Variants in ZBTB38 observed in about 807,000 individuals in gnomAD.
ZBTB38 encodes zinc finger and BTB domain-containing protein 38.
A neutral mutation model predicts 76.8 loss-of-function variants in ZBTB38; 20 were observed. The observed-to-expected ratio is 0.26, with a 90% CI of 0.18 to 0.38. ZBTB38 has a LOEUF of 0.38. Ranked by LOEUF, ZBTB38 falls within the 10% of genes least tolerant of loss-of-function variation. ZBTB38 has a pLI of 1.00. For missense variants in ZBTB38, 1,082 were observed against 1,482.3 expected, an observed-to-expected ratio of 0.73 and a Z score of 4.43; for synonymous variants, 504 against 544.2, an observed-to-expected ratio of 0.93 and a Z score of 1.03.
In ZBTB38 at chr3:141,398,637, T is replaced by A. The variant is rs1950936273; in HGVS notation, c.-105-5290T>A. On this transcript the variant is annotated intron_variant, in intron 4 of 5. Coordinates refer to ENST00000321464, the MANE Select transcript of ZBTB38 (RefSeq NM_001376113.1). ...TAGGCAATCTTGTTTCATGTAAATC[T>A]CCTTCTGTATTTTTTTTTGCACTGT... Among the ~76,000 whole-genome samples the A allele has an allele frequency of 2.0e-5, 3 of 152,174 alleles. No homozygotes were observed. The South Asian group carries it at 6.2e-4, about 31-fold the overall frequency.
chr3:141,434,805 A>T (rs1427802927), intron 5 of ZBTB38, among the ~76,000 whole-genome samples: 1 of 151,894 alleles, frequency 6.6e-6, no homozygotes, highest in Non-Finnish European at 1.5e-5. Context: ...AATAAACACA[A>T]ATGTCCTTAT....
intron 5 of ZBTB38, among the ~76,000 whole-genome samples, chr3:141,440,414 A>G (rs2079860190): frequency 6.6e-6 from 1 of 152,244 alleles, no homozygotes. Flanking sequence ...AGCTTATAAT[A>G]GCAGCTTTAC....
upstream of ZBTB38, chr3:141,367,278 G>C (rs1044809354): frequency 1.3e-5 from 2 of 152,268 alleles, no homozygotes; most frequent in Non-Finnish European, 2.9e-5. Flanking sequence ...TCTGTACCCC[G>C]TGGCTCTCGG....
Position 141,344,398 on chromosome 3 carries a change from T to G in ZBTB38, c.-739+19942T>G, listed in dbSNP as rs147246768. ...TATTTATTTATTTTGAGACATGGTC[T>G]TGCTCTGTCACCCAGATTGGAGTGC... On this transcript the variant is annotated intron_variant, in intron 1 of 7. Coordinates refer to the ZBTB38 transcript ENST00000509842. 1.6e-3 allele frequency among the ~76,000 whole-genome samples: 243 copies of G among 152,318 alleles called. 1 individual carries two copies. In the East Asian group the frequency reaches 0.023, roughly 14 times the overall value.
intron 5 of ZBTB38, among the ~76,000 whole-genome samples, chr3:141,429,642 C>T (rs540284514): frequency 1.6e-4 from 24 of 152,194 alleles, no homozygotes; most frequent in Admixed American, 8.5e-4. Flanking sequence ...CAGGCAACGA[C>T]GGGTGATAAT....
At chr3:141,430,865 C>G (rs2077337064) in intron 5 of ZBTB38, among the ~76,000 whole-genome samples, 1 of 152,178 alleles carries the variant, frequency 6.6e-6, no homozygotes, top group Non-Finnish European at 1.5e-5. Context: ...TCCATTCAAT[C>G]AGCCAGCCCT....
intron 4 of ZBTB38, among the ~76,000 whole-genome samples, chr3:141,402,158 C>G (rs1952247858): frequency 1.3e-5 from 2 of 152,154 alleles, no homozygotes; most frequent in Non-Finnish European, 2.9e-5. Context: ...GCCACTGGGT[C>G]GGGCATGGGG....
intron 2 of ZBTB38, among the ~76,000 whole-genome samples, chr3:141,371,026 T>G (rs568227369): frequency 6.8e-6 from 1 of 147,254 alleles, no homozygotes; most frequent in Admixed American, 6.7e-5. Flanking sequence ...AACTGTTTTT[T>G]CTTTTCTTTT....
chr3:141,392,044 A>G (rs779852361), intron 4 of ZBTB38, among the ~76,000 whole-genome samples: 4 of 152,238 alleles, frequency 2.6e-5, no homozygotes, highest in Non-Finnish European at 4.4e-5. Flanking sequence ...GAAGTTTGCT[A>G]TGTGAGTTAG....
intron 4 of ZBTB38, among the ~76,000 whole-genome samples, chr3:141,391,884 A>C (rs1948986214): frequency 6.6e-6 from 1 of 152,058 alleles, no homozygotes; most frequent in South Asian, 2.1e-4. Flanking sequence ...CTCTGCACAC[A>C]TCTTTGCCTG....
At chr3:141,410,289 C>A (rs1189055925) in intron 5 of ZBTB38, among the ~76,000 whole-genome samples, 1 of 152,168 alleles carries the variant, frequency 6.6e-6, no homozygotes, top group Non-Finnish European at 1.5e-5. Flanking sequence ...AGATTGTCCA[C>A]TTTTGAGGGA....
chr3:141,406,370 T>C (rs1208725154), intron 5 of ZBTB38, among the ~76,000 whole-genome samples: 1 of 151,828 alleles, frequency 6.6e-6, no homozygotes, highest in Non-Finnish European at 1.5e-5. Context: ...ATGATAACAA[T>C]GAAATGGGAA....
At chr3:141,378,496 G>A (rs1283674960) in intron 2 of ZBTB38, among the ~76,000 whole-genome samples, 1 of 152,194 alleles carries the variant, frequency 6.6e-6, no homozygotes, top group African/African-American at 2.4e-5. Context: ...CAACACTGGG[G>A]GAAGGTGGAG....
At chr3:141,439,237 A>G (rs1162804446) in intron 5 of ZBTB38, among the ~76,000 whole-genome samples, 1 of 152,094 alleles carries the variant, frequency 6.6e-6, no homozygotes, top group South Asian at 2.1e-4. Context: ...CTAGCACCCA[A>G]GTACTGTGTC....
In ZBTB38 at chr3:141,336,437, C is replaced by G. The variant is rs1943018332; in HGVS notation, c.-739+11981C>G. Among the ~76,000 whole-genome samples, 3 of 152,022 alleles carry G rather than the reference C, an allele frequency of 2.0e-5. No homozygotes were observed. The South Asian group carries it at 6.2e-4, about 32-fold the overall frequency. On this transcript the variant is annotated intron_variant, in intron 1 of 7. Coordinates refer to the ZBTB38 transcript ENST00000509842. ...ACATGTGTTGGGCATCTCAGTAGTTCAAACCAAAGACAGAAAAACACCTCT... is the reference window on the plus strand; with the variant it reads ...ACATGTGTTGGGCATCTCAGTAGTTGAAACCAAAGACAGAAAAACACCTCT...
chr3:141,364,984 T>C (rs1210880286), upstream of ZBTB38, among the ~76,000 whole-genome samples: 3 of 152,108 alleles, frequency 2.0e-5, no homozygotes, highest in Admixed American at 2.0e-4. Flanking sequence ...AGTTTGATAG[T>C]TTCTCAAAAT....
chr3:141,423,358 T>A (rs931702809), intron 5 of ZBTB38, among the ~76,000 whole-genome samples: 1 of 152,184 alleles, frequency 6.6e-6, no homozygotes, highest in African/African-American at 2.4e-5. Context: ...ATTACGAGAG[T>A]GAAAAGCAAT....
chr3:141,434,928 T>G (rs1205354981), intron 5 of ZBTB38, among the ~76,000 whole-genome samples: 1 of 151,994 alleles, frequency 6.6e-6, no homozygotes, highest in Non-Finnish European at 1.5e-5. Flanking sequence ...AGCCCAGGAT[T>G]TGAGACCAGC....
intron 5 of ZBTB38, among the ~76,000 whole-genome samples, chr3:141,431,410 C>T (rs1047290676): frequency 1.3e-5 from 2 of 149,210 alleles, no homozygotes; most frequent in African/African-American, 5.1e-5. Flanking sequence ...AATAGAGACA[C>T]GGCACTCAAA....
Sources: allele counts gnomAD v4.1 joint callset (sites outside exome capture counted in the v4.1 genomes callset), GRCh38; gene constraint gnomAD v4.1.1; transcripts MANE v1.5; gene names NCBI Gene and HGNC (gene_info 2026-07-23, HGNC 2026-07-21).